Variants in GALNTL6 observed in about 807,000 individuals in gnomAD.
GALNTL6 encodes the protein polypeptide N-acetylgalactosaminyltransferase like 6.
GALNTL6 carries 46 observed loss-of-function variants against 73.7 expected under a neutral mutation model. The observed-to-expected ratio is 0.62, with a 90% CI of 0.49 to 0.80. GALNTL6 has a LOEUF of 0.80. GALNTL6 is among the 30% of genes least tolerant of loss of function. GALNTL6 has a pLI of 0.00. For synonymous variants in GALNTL6, 259 were observed against 263.7 expected (o/e 0.98, Z 0.17); for missense variants, 604 against 755.0 (o/e 0.80, Z 2.34).
At chr4:172,396,874 G>A (rs969384397) in intron 5 of GALNTL6, among the ~76,000 whole-genome samples, 2 of 152,090 alleles carry the variant, frequency 1.3e-5, no homozygotes, top group African/African-American at 4.8e-5. Context: ...CATTTTGTTT[G>A]CTTACTTTCA....
At chr4:172,975,612 A>G (rs1460453899) in intron 10 of GALNTL6, among the ~76,000 whole-genome samples, 1 of 152,134 alleles carries the variant, frequency 6.6e-6, no homozygotes, top group African/African-American at 2.4e-5. Flanking sequence ...CTTTCTACCC[A>G]GGAGCCTGTC....
intron 7 of GALNTL6, among the ~76,000 whole-genome samples, chr4:172,825,469 G>A (rs899527477): frequency 3.3e-5 from 5 of 152,088 alleles, no homozygotes; most frequent in African/African-American, 1.2e-4. Context: ...CAGCATGTTA[G>A]CGTGTTTTTC....
chr4:172,080,715 GT>G (rs2110920316), intron 2 of GALNTL6, among the ~76,000 whole-genome samples: 1 of 151,722 alleles, frequency 6.6e-6, no homozygotes, highest in Non-Finnish European at 1.5e-5. Context: ...ATTTTCTACT[GT>G]GTTTCACTGA....
At chr4:172,221,972 C>T (rs1356511221) in intron 2 of GALNTL6, among the ~76,000 whole-genome samples, 3 of 151,750 alleles carry the variant, frequency 2.0e-5, no homozygotes, top group South Asian at 4.2e-4. Context: ...GTTTACTACT[C>T]ATCTCTCTGG....
intron 5 of GALNTL6, among the ~76,000 whole-genome samples, chr4:172,464,762 T>G (rs1732747978): frequency 6.6e-6 from 1 of 152,000 alleles, no homozygotes; most frequent in African/African-American, 2.4e-5. Context: ...TTTCTTTAAG[T>G]TATATTAAAG....
chr4:172,632,734 A>G (rs1265976764), intron 5 of GALNTL6, among the ~76,000 whole-genome samples: 2 of 152,250 alleles, frequency 1.3e-5, no homozygotes, highest in Non-Finnish European at 2.9e-5. Flanking sequence ...AGCATGTTAC[A>G]GACCTTTATG....
chr4:172,329,962 G>A (rs892173313), intron 4 of GALNTL6, among the ~76,000 whole-genome samples: 4 of 152,198 alleles, frequency 2.6e-5, no homozygotes, highest in African/African-American at 9.6e-5. Flanking sequence ...CTGTGAACCA[G>A]CAAAGATGGC....
intron 5 of GALNTL6, among the ~76,000 whole-genome samples, chr4:172,466,174 G>A (rs2111452981): frequency 6.6e-6 from 1 of 152,146 alleles, no homozygotes; most frequent in South Asian, 2.1e-4. Flanking sequence ...CTCACAAGAT[G>A]GCAAGAATTA....
At chr4:172,232,242 T>G (rs1011503553) in intron 3 of GALNTL6, among the ~76,000 whole-genome samples, 11 of 152,156 alleles carry the variant, frequency 7.2e-5, no homozygotes, top group Admixed American at 1.3e-4. Flanking sequence ...ACTCTCTTAT[T>G]TTTCTCTGTA....
At chr4:172,779,666 C>T (rs1193699936) in intron 5 of GALNTL6, among the ~76,000 whole-genome samples, 1 of 152,202 alleles carries the variant, frequency 6.6e-6, no homozygotes, top group Non-Finnish European at 1.5e-5. Context: ...TTACTGTAGA[C>T]AGACTCATAG....
chr4:172,520,753 A>G (rs531225107), intron 5 of GALNTL6, among the ~76,000 whole-genome samples: 15 of 151,942 alleles, frequency 9.9e-5, no homozygotes, highest in Non-Finnish European at 1.5e-4. Flanking sequence ...TGAAAACTCA[A>G]CTAACATATT....
chr4:172,678,380 T>C (rs1215422992), intron 5 of GALNTL6, among the ~76,000 whole-genome samples: 3 of 152,076 alleles, frequency 2.0e-5, no homozygotes, highest in Non-Finnish European at 4.4e-5. Flanking sequence ...AGTTTCACTC[T>C]TGTTGTACAG....
intron 2 of GALNTL6, among the ~76,000 whole-genome samples, chr4:171,962,106 C>A (rs1739236482): frequency 2.0e-5 from 3 of 152,106 alleles, no homozygotes; most frequent in African/African-American, 7.2e-5. Flanking sequence ...TACAAGACAC[C>A]CTAATAGTTA....
chr4:171,961,812 T>C (rs1739228111), intron 2 of GALNTL6, among the ~76,000 whole-genome samples: 2 of 152,206 alleles, frequency 1.3e-5, no homozygotes, highest in African/African-American at 4.8e-5. Context: ...TGAGCACATA[T>C]TGGAACCAGC....
intron 2 of GALNTL6, among the ~76,000 whole-genome samples, chr4:172,020,847 CA>C (rs1297478410): frequency 6.6e-6 from 1 of 151,716 alleles, no homozygotes; most frequent in Non-Finnish European, 1.5e-5. Context: ...AAAGACACAT[CA>C]AAAAAAGAAA....
chr4:172,177,490 T>G (rs1326000950), intron 2 of GALNTL6, among the ~76,000 whole-genome samples: 2 of 152,008 alleles, frequency 1.3e-5, no homozygotes, highest in Non-Finnish European at 2.9e-5. Flanking sequence ...TCACAGCTGT[T>G]TCTGTCTCTT....
At chr4:172,463,194 ATATAAAATATATCATCTTGC>A (rs1264104778) in intron 5 of GALNTL6, among the ~76,000 whole-genome samples, 1 of 152,166 alleles carries the variant, frequency 6.6e-6, no homozygotes, top group Non-Finnish European at 1.5e-5. Context: ...GGAAAAATAA[ATATAAAATATATCATCTTGC>A]TATTTCTAGA....
intron 5 of GALNTL6, among the ~76,000 whole-genome samples, chr4:172,609,978 G>T (rs534260218): frequency 2.0e-4 from 30 of 152,062 alleles, no homozygotes; most frequent in Middle Eastern, 3.4e-3. Flanking sequence ...TGGTTTGTGT[G>T]CATAGAGGTA....
At chr4:171,982,516 T>C (rs1739934071) in intron 2 of GALNTL6, among the ~76,000 whole-genome samples, 1 of 152,066 alleles carries the variant, frequency 6.6e-6, no homozygotes, top group African/African-American at 2.4e-5. Flanking sequence ...GCCAGGATGG[T>C]CTTGATCTCC....
Sources: gnomAD v4.1 joint callset for allele counts (sites outside exome capture counted in the v4.1 genomes callset) on GRCh38, gnomAD v4.1.1 for gene constraint, MANE v1.5 for transcripts, NCBI Gene and HGNC (gene_info 2026-07-23, HGNC 2026-07-21) for gene names.